CNTN4: variants seen among roughly 807,000 people sequenced by gnomAD.
The protein encoded by CNTN4 is contactin 4, also known as contactin-4.
In CNTN4, 77 loss-of-function variants were observed where a neutral mutation model predicts 122.5. The ratio of observed to expected loss-of-function variants is 0.63; its 90% CI spans 0.52 to 0.76. The LOEUF (loss-of-function observed/expected upper bound fraction) is 0.76, where lower values mean the gene tolerates loss of function less well. Among genes scored for constraint, CNTN4 ranks in the 30% least tolerant of loss-of-function variants. The pLI is 0.00. For missense variants in CNTN4, 1,256 were observed against 1,259.1 expected (o/e 1.00, Z 0.04); for synonymous variants, 512 against 447.0 (o/e 1.15, Z -1.83).
At chr3:2,192,227 T>G (rs2037604677) in intron 2 of CNTN4, among the ~76,000 whole-genome samples, 1 of 152,210 alleles carries the variant, frequency 6.6e-6, no homozygotes, top group South Asian at 2.1e-4. Flanking sequence ...TGATTTATAT[T>G]CCTTTGGGTG....
At chr3:2,951,532 G>A (rs528683753) in intron 13 of CNTN4, among the ~76,000 whole-genome samples, 2 of 152,288 alleles carry the variant, frequency 1.3e-5, no homozygotes, top group South Asian at 2.1e-4. Context: ...GGGGGTTGGG[G>A]ACCCCTGTTC....
chr3:2,300,330 A>C (rs562583459), intron 2 of CNTN4, among the ~76,000 whole-genome samples: 1 of 152,114 alleles, frequency 6.6e-6, no homozygotes, highest in African/African-American at 2.4e-5. Context: ...CTGAAAGTTC[A>C]GGGTAGATTT....
intron 14 of CNTN4, among the ~76,000 whole-genome samples, chr3:3,014,047 TACACACACACACACAC>T (rs10546128): frequency 2.7e-5 from 4 of 146,518 alleles, no homozygotes; most frequent in East Asian, 2.0e-4. Flanking sequence ...CATTTAAATG[TACACACACACACACAC>T]ACACACACAC....
At chr3:2,168,454 T>C (rs1559305342) in intron 2 of CNTN4, among the ~76,000 whole-genome samples, 1 of 151,874 alleles carries the variant, frequency 6.6e-6, no homozygotes, top group African/African-American at 2.4e-5. Flanking sequence ...TGGTCAGATG[T>C]TTACTGAGAG....
At chr3:2,968,059 A>G (rs1692510505) in intron 13 of CNTN4, among the ~76,000 whole-genome samples, 1 of 152,098 alleles carries the variant, frequency 6.6e-6, no homozygotes, top group South Asian at 2.1e-4. Context: ...TTCAGATGGT[A>G]TCAGCTGGAA....
At chr3:2,471,020 T>C (rs2075666697) in intron 3 of CNTN4, among the ~76,000 whole-genome samples, 1 of 152,200 alleles carries the variant, frequency 6.6e-6, no homozygotes, top group South Asian at 2.1e-4. Flanking sequence ...TCTGTATACA[T>C]TATTGGTTGA....
chr3:2,642,086 A>G (rs965929698), intron 4 of CNTN4, among the ~76,000 whole-genome samples: 16 of 152,226 alleles, frequency 1.1e-4, no homozygotes, highest in African/African-American at 7.2e-5. Context: ...AGGTCCCGCA[A>G]TAGGCTGTCT....
chr3:2,200,668 A>C (rs867295461), intron 2 of CNTN4, among the ~76,000 whole-genome samples: 1 of 152,168 alleles, frequency 6.6e-6, no homozygotes, highest in East Asian at 1.9e-4. Context: ...GCAGGATGAA[A>C]GTTTTAAATG....
At chr3:2,503,871 G>GT in intron 3 of CNTN4, among the ~76,000 whole-genome samples, 1 of 152,202 alleles carries the variant, frequency 6.6e-6, no homozygotes, top group African/African-American at 2.4e-5. Flanking sequence ...GGAGGACTCT[G>GT]TAAGAACTGG....
chr3:2,184,871 G>A (rs1309944789), intron 2 of CNTN4, among the ~76,000 whole-genome samples: 1 of 152,130 alleles, frequency 6.6e-6, no homozygotes, highest in African/African-American at 2.4e-5. Flanking sequence ...GTGTTATTTG[G>A]TTATAACAGC....
At chr3:2,534,018 T>C (rs2077701668) in intron 3 of CNTN4, among the ~76,000 whole-genome samples, 1 of 152,130 alleles carries the variant, frequency 6.6e-6, no homozygotes, top group African/African-American at 2.4e-5. Context: ...CTTTGTCAGA[T>C]GAGTAGATTG....
At chr3:2,835,570 T>A (rs1221244130) in intron 7 of CNTN4, among the ~76,000 whole-genome samples, 1 of 152,160 alleles carries the variant, frequency 6.6e-6, no homozygotes, top group African/African-American at 2.4e-5. Context: ...ATAATGCAAT[T>A]AAATAAGAAA....
chr3:2,565,655 A>G (rs191265565), intron 3 of CNTN4, among the ~76,000 whole-genome samples: 15 of 152,302 alleles, frequency 9.8e-5, no homozygotes, highest in Middle Eastern at 3.4e-3. Flanking sequence ...CATTTTACCA[A>G]TTGAATCATG....
chr3:2,222,434 A>G (rs1045475383), intron 2 of CNTN4, among the ~76,000 whole-genome samples: 1 of 152,128 alleles, frequency 6.6e-6, no homozygotes, highest in African/African-American at 2.4e-5. Context: ...ATGGGAGTAA[A>G]TGTATGTGGG....
intron 7 of CNTN4, among the ~76,000 whole-genome samples, chr3:2,827,767 G>T (rs1275633696): frequency 6.6e-6 from 1 of 152,150 alleles, no homozygotes. Context: ...TGTACAGTAT[G>T]TGCCCGGACT....
chr3:2,881,881 A>G (rs1433820475), intron 8 of CNTN4, among the ~76,000 whole-genome samples: 1 of 152,136 alleles, frequency 6.6e-6, no homozygotes, highest in East Asian at 1.9e-4. Context: ...TTTTCCTCTG[A>G]CTATGGGAAG....
At chr3:2,733,194 A>G (rs768495797) in intron 4 of CNTN4, among the ~76,000 whole-genome samples, 31 of 152,314 alleles carry the variant, frequency 2.0e-4, no homozygotes, top group Middle Eastern at 3.4e-3. Context: ...ATGAAATTCA[A>G]ATCAGGGAAC....
intron 8 of CNTN4, among the ~76,000 whole-genome samples, chr3:2,879,562 C>T (rs1028513033): frequency 2.0e-5 from 3 of 152,062 alleles, no homozygotes; most frequent in East Asian, 1.9e-4. Context: ...ATCTCGAAAA[C>T]GCTATGTTCA....
At position 2,120,364 on chromosome 3, in the gene CNTN4, T is replaced by TATATATAA. The variant is rs1553568216; in HGVS notation, c.-145+19732_-145+19733insAATATATA. On this transcript the variant is annotated intron_variant, in intron 2 of 24. Transcript: ENST00000418658. ...GAGGCATTTAGGTTATATATATATA[T>TATATATAA]ATATATATAAATATATATATATATA... Among the ~76,000 whole-genome samples the TATATATAA allele has an allele frequency of 5.5e-5, 3 of 54,222 alleles. 1 individual carries two copies. Among genetic ancestry groups the TATATATAA allele is most frequent in the African/African-American group, 1.7e-4 (3 of 17,998 alleles). The allele number at this position is 54,222 out of a possible 152,430, so 35.6% of individuals were successfully genotyped here. A position where few individuals can be genotyped will look rare whatever the true frequency, so the allele number is the denominator to read the frequency against.
Sources: allele counts gnomAD v4.1 joint callset (sites outside exome capture counted in the v4.1 genomes callset), GRCh38; gene constraint gnomAD v4.1.1; transcripts MANE v1.5; gene names NCBI Gene and HGNC (gene_info 2026-07-23, HGNC 2026-07-21).